The following OTUD4 variants were observed in gnomAD, a reference collection of about 807,000 sequenced individuals.
OTUD4 encodes the protein OTU domain-containing protein 4.
Under a neutral mutation model 130.4 loss-of-function variants are expected in OTUD4, and 24 were observed. The observed-to-expected ratio is 0.18, with a 90% CI of 0.13 to 0.26. The LOEUF (loss-of-function observed/expected upper bound fraction) is 0.26. Among genes scored for constraint, OTUD4 ranks in the 10% least tolerant of loss-of-function variants. OTUD4 has a pLI of 1.00. For synonymous variants in OTUD4, 420 were observed against 472.5 expected (o/e 0.89, Z 1.44); for missense variants, 1,031 against 1,329.4 (o/e 0.78, Z 3.49).
At position 145,157,237 on chromosome 4, in the gene OTUD4, G is replaced by A. The variant is rs187002308; in HGVS notation, c.630-1241C>T. ...GTAGGCAAAAAATGAGTGTTGAGATGTAGGCTGATATAGTTTAGCCTTGTG... is the reference window on the plus strand; with the variant it reads ...GTAGGCAAAAAATGAGTGTTGAGATATAGGCTGATATAGTTTAGCCTTGTG... On this transcript the variant is annotated intron_variant, in intron 7 of 20. Transcript: ENST00000447906. Among the ~76,000 whole-genome samples the A allele has an allele frequency of 1.0e-3, 156 of 152,318 alleles. 5 individuals are homozygous for A. In the East Asian group the frequency reaches 0.025, roughly 24 times the overall value.
At chr4:145,153,045 A>C (rs932996995) in intron 10 of OTUD4, among the ~76,000 whole-genome samples, 1 of 152,146 alleles carries the variant, frequency 6.6e-6, no homozygotes, top group African/African-American at 2.4e-5. Flanking sequence ...TTTAAAATTT[A>C]GTCTTTAATT....
At chr4:145,140,024 T>C (rs901926405) in intron 19 of OTUD4, 33 bp from the exon 20 acceptor site, 2 of 659,592 alleles carry the variant, frequency 3.0e-6, no homozygotes, top group African/African-American at 1.9e-5. Context: ...GTTAAAATTA[T>C]ATATCTGCAG....
At position 145,180,386 on chromosome 4, in the gene OTUD4, G is replaced by C. The variant is rs1340878175; in HGVS notation, c.-413C>G. Among the ~76,000 whole-genome samples, 1 of 152,214 alleles carries C rather than the reference G, an allele frequency of 6.6e-6. No homozygotes were observed. Among genetic ancestry groups the C allele is most frequent in the Non-Finnish European group, 1.5e-5 (1 of 68,034 alleles). The stretch of plus-strand genomic sequence containing the variant: ...CGCCCCTGGCGCGCACGCTGGGCCG[G>C]CTCAGGTGAAGCGGGGCCTGCGCCC... On this transcript the variant is annotated 5_prime_UTR_variant, in exon 1 of 21. Transcript: ENST00000447906.
chr4:145,146,155 T>C (rs1043293990), intron 14 of OTUD4, 112 bp downstream of exon 14: 5 of 577,732 alleles, frequency 8.7e-6, no homozygotes, highest in African/African-American at 2.0e-5. Flanking sequence ...ATCTTTAAAG[T>C]ATTTAGAGTT....
chr4:145,140,408 G>A (rs11731583), intron 19 of OTUD4, among the ~76,000 whole-genome samples: 69,615 of 151,962 alleles, frequency 0.46, 16,150 homozygotes, highest in Middle Eastern at 0.5. Flanking sequence ...ATTCTTCCAA[G>A]TATTCATATG....
rs200084041 is a variant in OTUD4, at chr4:145,141,422, T to C, written c.2040A>G (p.Val680=). 2.1e-5 allele frequency: 34 copies of C among 1,613,576 alleles called. No homozygotes were observed. The African/African-American group carries it at 4.4e-4, about 21-fold the overall frequency. The change falls in exon 19 of 21, where the codon GTA becomes GTG. Residue 680 remains valine, a synonymous_variant. Transcript: ENST00000447906. Reference sequence around the variant, plus strand: ...CAGTCTGACACAGTGAATAAGGTGGTACAATGGCTCGATCTCCCTTTTCAT... The same window carrying C: ...CAGTCTGACACAGTGAATAAGGTGGCACAATGGCTCGATCTCCCTTTTCAT... ...PCNEKGDRAI[V]PPYSLCQTGE...
intron 3 of OTUD4, among the ~76,000 whole-genome samples, chr4:145,165,952 G>C (rs368352914): frequency 6.6e-6 from 1 of 151,814 alleles, no homozygotes; most frequent in African/African-American, 2.4e-5. Flanking sequence ...ACCTGAGGTC[G>C]GGAGTTCGAG....
intron 17 of OTUD4, among the ~76,000 whole-genome samples, chr4:145,143,092 C>T (rs540355386): frequency 9.9e-5 from 15 of 152,022 alleles, no homozygotes; most frequent in Middle Eastern, 3.4e-3. Context: ...TCAAATATAA[C>T]GATAACAAAT....
rs1752337929 is a variant in OTUD4 at position 145,174,691 on chromosome 4, A to G, written c.213T>C (p.Tyr71=). Residue 71 remains tyrosine (Y), a synonymous_variant, in exon 2 of 21, where the codon TAT becomes TAC. Coordinates refer to ENST00000447906, the MANE Select transcript of OTUD4 (RefSeq NM_001366057.1). ...CAAATTTCTCTCTGTTCTCTCGAAGATAGTGAATACAGGCCATTCTGACTT... is the reference window on the plus strand; with the variant it reads ...CAAATTTCTCTCTGTTCTCTCGAAGGTAGTGAATACAGGCCATTCTGACTT... ...HVEVRMACIH[Y]LRENREKFEA... 4 of 1,607,628 alleles carry G rather than the reference A, an allele frequency of 2.5e-6. No homozygotes were observed. Among genetic ancestry groups the G allele is most frequent in the Non-Finnish European group, 3.4e-6 (4 of 1,174,090 alleles).
intron 20 of OTUD4, among the ~76,000 whole-genome samples, chr4:145,139,332 T>C (rs975883457): frequency 6.6e-6 from 1 of 152,220 alleles, no homozygotes; most frequent in Non-Finnish European, 1.5e-5. Context: ...CTTCGTTTCA[T>C]AGTTTAACTG....
At chr4:145,177,730 T>C (rs1752495409) in intron 1 of OTUD4, among the ~76,000 whole-genome samples, 1 of 152,224 alleles carries the variant, frequency 6.6e-6, no homozygotes, top group African/African-American at 2.4e-5. Flanking sequence ...GGAAATGGCC[T>C]ATCTAAATCA....
At chr4:145,142,136 T>C in intron 18 of OTUD4, 60 bp downstream of exon 18, 3 of 1,478,536 alleles carry the variant, frequency 2.0e-6, no homozygotes, top group East Asian at 2.3e-5. Context: ...ACTCAAGAAT[T>C]TGAAGTCTCT....
chr4:145,159,316 A>G (rs1474331119), intron 7 of OTUD4, 187 bp downstream of exon 7: 3 of 1,406,110 alleles, frequency 2.1e-6, no homozygotes, highest in African/African-American at 2.9e-5. Context: ...CAAAACAAAC[A>G]GTCCCATAAT....
In OTUD4 at chr4:145,180,587, G is replaced by A. The variant is rs1243437173; in HGVS notation, c.-614C>T. Among the ~76,000 whole-genome samples, 5 of 152,206 alleles carry A rather than the reference G, an allele frequency of 3.3e-5. No individual in the cohort carries two copies. The highest frequency in any genetic ancestry group is 7.2e-5 in the African/African-American group (3 of 41,466). On this transcript the variant is annotated 5_prime_UTR_variant, in exon 1 of 21. Coordinates refer to ENST00000447906, the MANE Select transcript of OTUD4 (RefSeq NM_001366057.1). ...CTTTCGGCCCGACAGCGGAGAGGAC[G>A]GCGGGAGATGTAGTCTTGGCAGCCG...
rs748637717 is a variant in OTUD4 at position 145,143,459 on chromosome 4, A to G, written c.1603-14T>C. On this transcript the variant is annotated splice_polypyrimidine_tract_variant and intron_variant, in intron 16 of 20. Transcript: ENST00000447906. ...ATCAGTAATATTCTTTGGAAGCAAA[A>G]AAGAAGCAAAGTTTTGTATTTCAGA... 6.6e-7 allele frequency: 1 copy of G among 1,525,808 alleles called. No homozygotes were observed. The highest frequency in any genetic ancestry group is 1.7e-5 in the Admixed American group (1 of 57,798). 94.5% of individuals were successfully genotyped at this position (1,525,808 alleles called of 1,614,324 possible). A position where few individuals can be genotyped will look rare whatever the true frequency, so the allele number is the denominator to read the frequency against.
At chr4:145,159,173 G>A in intron 7 of OTUD4, 1 of 1,050,074 alleles carries the variant, frequency 9.5e-7, no homozygotes, top group Non-Finnish European at 1.1e-6. Flanking sequence ...TTTCATTACT[G>A]GGTATGTGAA....
rs763657706 is a variant in OTUD4 at position 145,144,322 on chromosome 4, C to T, written c.1535G>A (p.Arg512Gln). 96 of 1,610,728 alleles carry T rather than the reference C, an allele frequency of 6.0e-5. No homozygotes were observed. Among genetic ancestry groups the T allele is most frequent in the East Asian group, 2.2e-5 (1 of 44,788 alleles). ...GSRRRMDTEE[R>Q]KDKDSIHGHS... is the part of the protein sequence containing the mutation. ...ATGAGATAACTTACCTTTGTCTTTT[C>T]GTTCTTCTGTATCCATTCTCCGCCT... is the stretch of plus-strand genomic sequence containing the variant. The change falls in exon 15 of 21, where the codon CGA becomes CAA. Residue 512 changes from arginine (R) to glutamine (Q), a missense_variant. This residue lies in a region of OTUD4 where 900 missense variants were observed against 1,095.9 expected (regional missense o/e 0.82). Transcript: ENST00000447906.
At chr4:145,179,690 C>A in intron 1 of OTUD4, 125 bp downstream of exon 1, 2 of 1,406,832 alleles carry the variant, frequency 1.4e-6, no homozygotes, top group South Asian at 1.6e-5. Flanking sequence ...GGCGCTGTGA[C>A]GACAGCCAGG....
At chr4:145,153,089 A>G (rs558380130) in intron 10 of OTUD4, among the ~76,000 whole-genome samples, 12 of 152,318 alleles carry the variant, frequency 7.9e-5, no homozygotes, top group East Asian at 3.9e-4. Flanking sequence ...TAAAAACAAA[A>G]TAAGTTCAAA....
Sources: gnomAD v4.1 joint callset for allele counts (sites outside exome capture counted in the v4.1 genomes callset) on GRCh38, gnomAD v4.1.1 for gene constraint, gnomAD v4.1.1 regional missense constraint, MANE v1.5 for transcripts, NCBI Gene and HGNC (gene_info 2026-07-23, HGNC 2026-07-21) for gene names.